Variants in KIAA0319 observed in about 807,000 individuals in gnomAD.
KIAA0319 encodes KIAA0319.
A neutral mutation model predicts 108.4 loss-of-function variants in KIAA0319; 83 were observed. That is an observed-to-expected ratio of 0.77 (90% confidence interval 0.64 to 0.92). KIAA0319 has a LOEUF of 0.92. Ranked by LOEUF, KIAA0319 falls within the 40% of genes least tolerant of loss-of-function variation. The pLI, the probability that KIAA0319 is intolerant of heterozygous loss-of-function variation, is 0.00. For missense variants in KIAA0319, 1,195 were observed against 1,322.4 expected, an observed-to-expected ratio of 0.90 and a Z score of 1.49; for synonymous variants, 484 against 510.4, an observed-to-expected ratio of 0.95 and a Z score of 0.70.
At chr6:24,547,400 C>G in intron 20 of KIAA0319, 57 bp from the exon 21 acceptor site, 1 of 1,499,750 alleles carries the variant, frequency 6.7e-7, no homozygotes, top group Non-Finnish European at 9.2e-7. Flanking sequence ...TTCCAGCTGT[C>G]AGTCGTTGTG....
At chr6:24,622,762 G>A (rs1367676722) in intron 1 of KIAA0319, among the ~76,000 whole-genome samples, 1 of 152,146 alleles carries the variant, frequency 6.6e-6, no homozygotes. Context: ...AGAGATTAAT[G>A]GCTGGGCACG....
Position 24,579,881 on chromosome 6 carries a change from G to T in KIAA0319, c.1349C>A (p.Thr450Lys). Reference sequence around the variant, plus strand: ...ACGGCTGCCATCAATGAGGGCTGACGTCAAAGGCAAAGTGAGCTCTTGCAG... The same window carrying T: ...ACGGCTGCCATCAATGAGGGCTGACTTCAAAGGCAAAGTGAGCTCTTGCAG... ...PQLQELTLPL[T>K]SALIDGSQST... is the part of the protein sequence containing the mutation. The change falls in exon 8 of 21, where the codon ACG becomes AAG. Residue 450 changes from threonine (T) to lysine (K), a missense_variant. Coordinates refer to ENST00000378214, the MANE Select transcript of KIAA0319 (RefSeq NM_014809.4). 1.2e-6 allele frequency: 2 copies of T among 1,604,534 alleles called. No individual in the cohort carries two copies. The highest frequency in any genetic ancestry group is 1.7e-6 in the Non-Finnish European group (2 of 1,175,004).
At chr6:24,576,327 G>C in intron 10 of KIAA0319, 41 bp downstream of exon 10, 1 of 1,523,570 alleles carries the variant, frequency 6.6e-7, no homozygotes, top group South Asian at 1.1e-5. Flanking sequence ...TAGACAGACA[G>C]ACAGACAGAC....
At chr6:24,579,707 G>A (rs1766170738) in intron 8 of KIAA0319, 151 bp downstream of exon 8, 1 of 605,476 alleles carries the variant, frequency 1.7e-6, no homozygotes, top group Non-Finnish European at 2.8e-6. Flanking sequence ...AGGAGCTAAA[G>A]GAACTAAAGA....
In KIAA0319 at chr6:24,556,682, T is replaced by C; in HGVS notation, c.2782A>G (p.Lys928Glu). 3 of 1,613,862 alleles carry C rather than the reference T, an allele frequency of 1.9e-6. No homozygotes were observed. The highest frequency in any genetic ancestry group is 1.1e-5 in the South Asian group (1 of 91,052). ...CATAAGTGAGAGCAAATGCAGCGCT[T>C]TGTGAGGGGGTCGCAGTGACCATGG... Reference protein sequence around the residue: ...SGHGHCDPLTKRCICSHLWME... With the variant: ...SGHGHCDPLTERCICSHLWME... Residue 928 changes from lysine to glutamate, a missense_variant, in exon 18 of 21, where the codon AAG (lysine) becomes GAG (glutamate). Coordinates refer to ENST00000378214, the MANE Select transcript of KIAA0319 (RefSeq NM_014809.4).
chr6:24,629,267 G>A (rs950547843), intron 1 of KIAA0319, among the ~76,000 whole-genome samples: 3 of 152,076 alleles, frequency 2.0e-5, no homozygotes, highest in Admixed American at 6.5e-5. Context: ...TGTAACCCCA[G>A]CACTTTGGGA....
Position 24,609,463 on chromosome 6 carries a change from G to A in KIAA0319, c.-105-8255C>T, listed in dbSNP as rs553373537. 2.6e-5 allele frequency among the ~76,000 whole-genome samples: 4 copies of A among 151,714 alleles called. No homozygotes were observed. In the East Asian group the frequency reaches 5.9e-4, roughly 22 times the overall value. ...ATGGTGGCACATGCCTGTAATCCCA[G>A]CTAATCAGGAGGCTGAGGCAGAAGA... On this transcript the variant is annotated intron_variant, in intron 1 of 20. Transcript: ENST00000378214.
chr6:24,617,217 T>C (rs1307398193), intron 1 of KIAA0319, among the ~76,000 whole-genome samples: 2 of 151,964 alleles, frequency 1.3e-5, no homozygotes, highest in Non-Finnish European at 2.9e-5. Flanking sequence ...ATGTCCAATA[T>C]TAGGATATGA....
chr6:24,598,729 A>G, intron 2 of KIAA0319: 1 of 259,658 alleles, frequency 3.9e-6, no homozygotes, highest in Non-Finnish European at 7.6e-6. Context: ...TACAAAAATT[A>G]ACTGAGCATA....
chr6:24,617,404 T>C (rs1266877455), intron 1 of KIAA0319, among the ~76,000 whole-genome samples: 1 of 152,048 alleles, frequency 6.6e-6, no homozygotes, highest in African/African-American at 2.4e-5. Context: ...AAAACAGCAA[T>C]GCGGCAAAAT....
intron 1 of KIAA0319, among the ~76,000 whole-genome samples, chr6:24,640,403 C>T (rs1047779685): frequency 1.5e-4 from 23 of 152,052 alleles, no homozygotes; most frequent in Admixed American, 4.6e-4. Flanking sequence ...ACTGACTGTA[C>T]ATAAAAGGCA....
intron 19 of KIAA0319, among the ~76,000 whole-genome samples, chr6:24,552,882 G>T (rs970621734): frequency 2.9e-4 from 44 of 152,182 alleles, no homozygotes; most frequent in African/African-American, 1.0e-3. Flanking sequence ...TGAGGTTACA[G>T]GCATGAGCCA....
intron 4 of KIAA0319, among the ~76,000 whole-genome samples, chr6:24,584,626 G>A (rs1767168117): frequency 6.6e-6 from 1 of 151,924 alleles, no homozygotes; most frequent in African/African-American, 2.4e-5. Flanking sequence ...TCTTTATCCT[G>A]AAAGTCAGCA....
intron 14 of KIAA0319, 25 bp from the exon 15 acceptor site, chr6:24,564,365 G>A (rs1203819225): frequency 6.2e-7 from 1 of 1,613,234 alleles, no homozygotes; most frequent in Admixed American, 1.7e-5. Flanking sequence ...GGATCACAGG[G>A]CAGCTGTCAA....
At chr6:24,549,312 C>A (rs2760180) in intron 20 of KIAA0319, among the ~76,000 whole-genome samples, 5,782 of 110,564 alleles carry the variant, frequency 0.052, 241 homozygotes, top group African/African-American at 0.14. Flanking sequence ...GGGGATAGAG[C>A]AAGACTCTGT....
At chr6:24,553,812 A>T in intron 19 of KIAA0319, among the ~76,000 whole-genome samples, 1 of 152,200 alleles carries the variant, frequency 6.6e-6, no homozygotes, top group East Asian at 1.9e-4. Flanking sequence ...ACAGCCAAAC[A>T]TGTGGAGGTT....
intron 1 of KIAA0319, among the ~76,000 whole-genome samples, chr6:24,627,957 C>A (rs1774945259): frequency 6.6e-6 from 1 of 152,182 alleles, no homozygotes; most frequent in African/African-American, 2.4e-5. Context: ...AATGTAGGAG[C>A]CTCCTTCCAA....
chr6:24,621,295 T>C (rs975523093), intron 1 of KIAA0319, among the ~76,000 whole-genome samples: 1 of 152,196 alleles, frequency 6.6e-6, no homozygotes, highest in African/African-American at 2.4e-5. Context: ...TCTCTACTCA[T>C]AGTTCCTTAA....
chr6:24,567,396 G>T (rs1266933863), intron 13 of KIAA0319, among the ~76,000 whole-genome samples: 1 of 152,144 alleles, frequency 6.6e-6, no homozygotes, highest in African/African-American at 2.4e-5. Flanking sequence ...TCTCTGACTA[G>T]GTGTTAAATA....
Sources: allele counts gnomAD v4.1 joint callset (sites outside exome capture counted in the v4.1 genomes callset), GRCh38; gene constraint gnomAD v4.1.1; transcripts MANE v1.5; gene names NCBI Gene and HGNC (gene_info 2026-07-23, HGNC 2026-07-21).